Variants in SLIT2 observed in about 807,000 individuals in gnomAD.
SLIT2 encodes the protein slit guidance ligand 2, also known as slit homolog 2 protein.
Under a neutral mutation model 185.7 loss-of-function variants are expected in SLIT2, and 41 were observed. The ratio of observed to expected loss-of-function variants is 0.22; its 90% CI spans 0.17 to 0.29. SLIT2 has a LOEUF of 0.29. Ranked by LOEUF, SLIT2 falls within the 10% of genes least tolerant of loss-of-function variation. SLIT2 has a pLI of 1.00. For synonymous variants in SLIT2, 693 were observed against 680.2 expected (o/e 1.02, Z -0.29); for missense variants, 1,571 against 1,909.0 (o/e 0.82, Z 3.30).
intron 4 of SLIT2, among the ~76,000 whole-genome samples, chr4:20,329,148 T>C (rs1719853417): frequency 6.6e-6 from 1 of 152,036 alleles, no homozygotes; most frequent in Admixed American, 6.6e-5. Flanking sequence ...TATTCATTCA[T>C]TCACTATATA....
chr4:20,475,532 A>C (rs1262164719), intron 5 of SLIT2, among the ~76,000 whole-genome samples: 1 of 152,008 alleles, frequency 6.6e-6, no homozygotes, highest in Non-Finnish European at 1.5e-5. Flanking sequence ...TCTACATTCC[A>C]ATGAAAACTT....
intron 4 of SLIT2, among the ~76,000 whole-genome samples, chr4:20,285,035 T>C (rs1465982619): frequency 6.6e-6 from 1 of 152,224 alleles, no homozygotes; most frequent in Non-Finnish European, 1.5e-5. Context: ...GGTCACTGTA[T>C]TACATCCAGC....
In SLIT2 at chr4:20,523,881, C is replaced by T. The variant is rs1277606678; in HGVS notation, c.1252C>T (p.Pro418Ser). ...LQTIAKGTFS[P>S]LRAIQTMHLA... The stretch of plus-strand genomic sequence containing the variant: ...GACCATCGCCAAGGGGACCTTTTCA[C>T]CTCTTCGGGCCATTCAAACTATGTA... The change falls in exon 13 of 37, where the codon CCT becomes TCT. Residue 418 changes from proline (P) to serine (S), a missense_variant. Physicochemically the swap from Pro to Ser is moderately conservative, Grantham distance 74. Around this residue, in one of 3 missense-constraint regions of SLIT2, gnomAD observed 1,202 missense variants for 1,416.4 expected, o/e 0.85. Transcript: ENST00000504154. The T allele has an allele frequency of 1.2e-6, 2 of 1,614,136 alleles. No individual in the cohort carries two copies.
chr4:20,565,423 C>A (rs1725013830), intron 26 of SLIT2, among the ~76,000 whole-genome samples: 1 of 151,992 alleles, frequency 6.6e-6, no homozygotes, highest in South Asian at 2.1e-4. Flanking sequence ...TCATATATAA[C>A]TTTAGCAAAC....
At chr4:20,530,056 T>A (rs1427490055) in intron 16 of SLIT2, among the ~76,000 whole-genome samples, 1 of 151,924 alleles carries the variant, frequency 6.6e-6, no homozygotes, top group Non-Finnish European at 1.5e-5. Context: ...AGTAATGCCT[T>A]TCAAAGAGTT....
chr4:20,257,924 A>T lies in SLIT2; in HGVS notation c.308A>T (p.Lys103Ile), dbSNP rs374296326. The part of the protein sequence containing the change: ...TIERGAFQDL[K>I]ELERLRLNRN... ...GAAAGAGGAGCATTCCAGGATCTTA[A>T]AGAACTAGAGAGACTGTAAGTATTT... Residue 103 changes from lysine (K) to isoleucine (I), a missense_variant, in exon 3 of 37, where the codon AAA becomes ATA. Transcript: ENST00000504154. 1.3e-6 allele frequency: 2 copies of T among 1,536,860 alleles called. No homozygotes were observed. Among genetic ancestry groups the T allele is most frequent in the Non-Finnish European group, 1.8e-6 (2 of 1,113,176 alleles).
chr4:20,567,750 C>A (rs936267123), intron 28 of SLIT2, 135 bp downstream of exon 28: 5 of 684,314 alleles, frequency 7.3e-6, no homozygotes, highest in Middle Eastern at 3.9e-4. Context: ...ATGTATTGGT[C>A]CCTCTCGTAG....
chr4:20,410,853 C>T (rs901487593), intron 4 of SLIT2, among the ~76,000 whole-genome samples: 3 of 152,030 alleles, frequency 2.0e-5, no homozygotes, highest in Non-Finnish European at 2.9e-5. Flanking sequence ...AGTGTGATGC[C>T]TCCAGCTTTA....
At chr4:20,442,852 C>T (rs554560935) in intron 4 of SLIT2, among the ~76,000 whole-genome samples, 7 of 152,008 alleles carry the variant, frequency 4.6e-5, no homozygotes, top group African/African-American at 7.3e-5. Context: ...TATGTTTCTA[C>T]GGAGTGTTTA....
chr4:20,272,524 T>C (rs2109036444), intron 4 of SLIT2, among the ~76,000 whole-genome samples: 1 of 152,224 alleles, frequency 6.6e-6, no homozygotes, highest in Non-Finnish European at 1.5e-5. Context: ...TAAAAGAGGC[T>C]TAAGAGTAAG....
At chr4:20,310,853 A>G (rs1718042559) in intron 4 of SLIT2, among the ~76,000 whole-genome samples, 2 of 152,210 alleles carry the variant, frequency 1.3e-5, no homozygotes, top group South Asian at 4.1e-4. Flanking sequence ...ATAAATCCTT[A>G]TGGATGAACT....
At chr4:20,494,060 G>A (rs1718015545) in intron 9 of SLIT2, among the ~76,000 whole-genome samples, 1 of 152,194 alleles carries the variant, frequency 6.6e-6, no homozygotes, top group Non-Finnish European at 1.5e-5. Context: ...GATTTTATTT[G>A]GAATGCATTT....
chr4:20,607,618 T>C (rs201478378), intron 33 of SLIT2, among the ~76,000 whole-genome samples: 2 of 152,308 alleles, frequency 1.3e-5, no homozygotes, highest in East Asian at 1.9e-4. Flanking sequence ...TCTGACACAC[T>C]GCATTAGGGT....
chr4:20,470,610 C>G (rs1005619626), intron 5 of SLIT2, among the ~76,000 whole-genome samples: 3 of 151,944 alleles, frequency 2.0e-5, no homozygotes, highest in Admixed American at 1.3e-4. Flanking sequence ...CAGTCTCGCT[C>G]TGTCACCCAG....
intron 18 of SLIT2, among the ~76,000 whole-genome samples, chr4:20,537,322 A>G (rs1722388292): frequency 6.6e-6 from 1 of 152,116 alleles, no homozygotes; most frequent in Non-Finnish European, 1.5e-5. Context: ...TCTCGAGGCA[A>G]TAGGAAATTT....
chr4:20,347,431 T>C (rs1721520109), intron 4 of SLIT2, among the ~76,000 whole-genome samples: 1 of 152,224 alleles, frequency 6.6e-6, no homozygotes. Context: ...TTCATGAGTC[T>C]ATTGCATGGT....
intron 4 of SLIT2, among the ~76,000 whole-genome samples, chr4:20,310,894 T>A (rs1718045494): frequency 6.6e-6 from 1 of 152,182 alleles, no homozygotes; most frequent in Admixed American, 6.5e-5. Context: ...GTTAATTAAT[T>A]TATTTTCAGA....
At chr4:20,421,690 A>G (rs1384420365) in intron 4 of SLIT2, among the ~76,000 whole-genome samples, 2 of 152,186 alleles carry the variant, frequency 1.3e-5, no homozygotes, top group South Asian at 2.1e-4. Flanking sequence ...TTACAATGTA[A>G]TGAGATGAGA....
At position 20,511,073 on chromosome 4, in the gene SLIT2, A is replaced by G; in HGVS notation, c.994A>G (p.Ser332Gly). ...CCCTATTTCTAATCTTAGTGACCTG[A>G]GCAATAATCAGATCTCTGAACTTGC... is the stretch of plus-strand genomic sequence containing the variant. The part of the protein sequence containing the change: ...PYKKLRRIDL[S>G]NNQISELAPD... The change falls in exon 11 of 37, where the codon AGC (serine) becomes GGC (glycine). Residue 332 changes from serine to glycine, a missense_variant. Ser to Gly is a moderately conservative substitution (Grantham distance 56). Around this residue, in one of 3 missense-constraint regions of SLIT2, gnomAD observed 1,202 missense variants for 1,416.4 expected, o/e 0.85. Transcript: ENST00000504154. 6.3e-7 allele frequency: 1 copy of G among 1,597,016 alleles called. No homozygotes were observed. The highest frequency in any genetic ancestry group is 8.6e-7 in the Non-Finnish European group (1 of 1,165,110).
Sources: gnomAD v4.1 joint callset for allele counts (sites outside exome capture counted in the v4.1 genomes callset) on GRCh38, gnomAD v4.1.1 for gene constraint, gnomAD v4.1.1 regional missense constraint, MANE v1.5 for transcripts, NCBI Gene and HGNC (gene_info 2026-07-23, HGNC 2026-07-21) for gene names.